SOBP: variants seen among roughly 807,000 people sequenced by gnomAD.
SOBP encodes the protein sine oculis-binding protein homolog.
Under a neutral mutation model 53.6 loss-of-function variants are expected in SOBP, and 4 were observed. The ratio of observed to expected loss-of-function variants is 0.07; its 90% CI spans 0.04 to 0.17. The LOEUF is 0.17. Among genes scored for constraint, SOBP ranks in the 10% least tolerant of loss-of-function variants. SOBP has a pLI of 1.00. For missense variants in SOBP, 1,088 were observed against 1,204.7 expected (o/e 0.90, Z 1.43); for synonymous variants, 584 against 522.6 (o/e 1.12, Z -1.60).
At chr6:107,515,758 A>C (rs550179482) in intron 3 of SOBP, among the ~76,000 whole-genome samples, 1 of 152,316 alleles carries the variant, frequency 6.6e-6, no homozygotes, top group South Asian at 2.1e-4. Flanking sequence ...AAAAACAAAA[A>C]AAGAAGGAAA....
chr6:107,590,233 A>G (rs1785699759), intron 5 of SOBP, among the ~76,000 whole-genome samples: 1 of 152,204 alleles, frequency 6.6e-6, no homozygotes, highest in Admixed American at 6.5e-5. Flanking sequence ...AAGACCTTGC[A>G]GAAATATAGC....
intron 1 of SOBP, among the ~76,000 whole-genome samples, chr6:107,499,841 T>G (rs1782791373): frequency 1.3e-5 from 2 of 152,198 alleles, no homozygotes; most frequent in Admixed American, 1.3e-4. Context: ...CAGTGGCTTG[T>G]TTTATTACTG....
intron 3 of SOBP, among the ~76,000 whole-genome samples, chr6:107,522,830 C>T (rs1333362995): frequency 6.6e-6 from 1 of 152,026 alleles, no homozygotes; most frequent in Non-Finnish European, 1.5e-5. Context: ...AAGCATGAGC[C>T]ACCACACCCA....
chr6:107,618,147 A>G (rs1786867084), intron 5 of SOBP, among the ~76,000 whole-genome samples: 1 of 152,146 alleles, frequency 6.6e-6, no homozygotes, highest in African/African-American at 2.4e-5. Context: ...TTCTTATTAC[A>G]TAATTGTTGC....
intron 1 of SOBP, 33 bp downstream of exon 1, chr6:107,490,745 A>C: frequency 6.6e-7 from 1 of 1,508,830 alleles, no homozygotes; most frequent in Non-Finnish European, 9.1e-7. Context: ...AGGGAGACTG[A>C]GCTCTTTCTT....
At chr6:107,619,149 C>T (rs1786910858) in intron 5 of SOBP, among the ~76,000 whole-genome samples, 1 of 152,268 alleles carries the variant, frequency 6.6e-6, no homozygotes, top group Non-Finnish European at 1.5e-5. Flanking sequence ...GAACCCTTAT[C>T]ATGTGCAGGA....
chr6:107,541,994 A>G (rs901651033), intron 4 of SOBP, among the ~76,000 whole-genome samples: 1 of 152,156 alleles, frequency 6.6e-6, no homozygotes, highest in Non-Finnish European at 1.5e-5. Flanking sequence ...TTGAGCCTGT[A>G]TACGGCACTA....
chr6:107,587,026 T>C, intron 4 of SOBP, 54 bp from the exon 5 acceptor site: 1 of 1,381,692 alleles, frequency 7.2e-7, no homozygotes. Context: ...CTTTTTAGCT[T>C]TTTTTCTTCC....
chr6:107,633,960 C>T lies in SOBP; in HGVS notation c.1116C>T (p.Ile372=), dbSNP rs377312552. The T allele has an allele frequency of 1.9e-6, 3 of 1,614,078 alleles. No individual in the cohort carries two copies. Among genetic ancestry groups the T allele is most frequent in the African/African-American group, 1.3e-5 (1 of 74,954 alleles). Residue 372 remains isoleucine (I), a synonymous_variant, in exon 6 of 7, where the codon ATC becomes ATT. Transcript: ENST00000317357. ...PPVSVQPPAS[I]GPPLGVPPRS... ...TCTCCGTCCAGCCACCTGCTAGCAT[C>T]GGGCCTCCCCTTGGCGTCCCGCCTC...
At chr6:107,498,820 A>C (rs1782763205) in intron 1 of SOBP, among the ~76,000 whole-genome samples, 1 of 152,152 alleles carries the variant, frequency 6.6e-6, no homozygotes, top group African/African-American at 2.4e-5. Context: ...TTCAGACTAA[A>C]TGTTAGGATT....
chr6:107,529,754 T>C, intron 3 of SOBP: 1 of 264,718 alleles, frequency 3.8e-6, no homozygotes, highest in Non-Finnish European at 5.8e-6. Context: ...CTTGATCTCA[T>C]ACTTCTCTGC....
intron 6 of SOBP, among the ~76,000 whole-genome samples, chr6:107,645,257 C>T (rs955991006): frequency 1.3e-5 from 2 of 152,110 alleles, no homozygotes; most frequent in African/African-American, 4.8e-5. Context: ...TCATATATTA[C>T]AATCTGCGAA....
chr6:107,508,216 G>A (rs373529287), intron 3 of SOBP, among the ~76,000 whole-genome samples: 1 of 152,168 alleles, frequency 6.6e-6, no homozygotes, highest in African/African-American at 2.4e-5. Flanking sequence ...TACTTACACT[G>A]TATTCTAAGT....
At chr6:107,553,179 A>T (rs769769832) in intron 4 of SOBP, among the ~76,000 whole-genome samples, 3 of 152,000 alleles carry the variant, frequency 2.0e-5, no homozygotes, top group Non-Finnish European at 2.9e-5. Flanking sequence ...TTCTTTGATA[A>T]TCTGAAGAAA....
chr6:107,518,160 G>A (rs988773944), intron 3 of SOBP, among the ~76,000 whole-genome samples: 2 of 152,054 alleles, frequency 1.3e-5, no homozygotes, highest in African/African-American at 4.8e-5. Flanking sequence ...AAATAAAACA[G>A]CTCAATAGAA....
intron 6 of SOBP, among the ~76,000 whole-genome samples, chr6:107,638,601 T>C (rs1583301100): frequency 6.6e-6 from 1 of 152,300 alleles, no homozygotes; most frequent in Non-Finnish European, 1.5e-5. Context: ...AAATTGGAAG[T>C]GTATCCACTA....
At chr6:107,493,389 C>T (rs371791685) in intron 1 of SOBP, among the ~76,000 whole-genome samples, 2 of 152,204 alleles carry the variant, frequency 1.3e-5, no homozygotes, top group South Asian at 4.1e-4. Flanking sequence ...GCCCCCACCT[C>T]GGATCACATA....
intron 5 of SOBP, among the ~76,000 whole-genome samples, chr6:107,604,558 A>C (rs1342330963): frequency 6.6e-4 from 19 of 28,768 alleles, no homozygotes; most frequent in South Asian, 1.1e-3. Flanking sequence ...CCCCTACCCC[A>C]CCTCTACCCA....
chr6:107,569,373 G>A (rs986592588), intron 4 of SOBP, among the ~76,000 whole-genome samples: 1 of 152,154 alleles, frequency 6.6e-6, no homozygotes, highest in South Asian at 2.1e-4. Flanking sequence ...AAGCACCAGT[G>A]GATACAGGCA....
Sources: gnomAD v4.1 joint callset for allele counts (sites outside exome capture counted in the v4.1 genomes callset) on GRCh38, gnomAD v4.1.1 for gene constraint, MANE v1.5 for transcripts, NCBI Gene and HGNC (gene_info 2026-07-23, HGNC 2026-07-21) for gene names.